UNC5D: variants seen among roughly 807,000 people sequenced by gnomAD.
UNC5D encodes the protein unc-5 netrin receptor D, also known as netrin receptor UNC5D.
UNC5D carries 39 observed loss-of-function variants against 105.4 expected under a neutral mutation model. That is an observed-to-expected ratio of 0.37 (90% CI 0.29 to 0.48). The LOEUF (loss-of-function observed/expected upper bound fraction) is 0.48. Ranked by LOEUF, UNC5D falls within the 20% of genes least tolerant of loss-of-function variation. The pLI, the probability that UNC5D is intolerant of heterozygous loss-of-function variation, is 0.98. For synonymous variants in UNC5D, 452 were observed against 450.4 expected, an observed-to-expected ratio of 1.00 and a Z score of -0.04; for missense variants, 991 against 1,202.4, an observed-to-expected ratio of 0.82 and a Z score of 2.60.
rs1802669991 is a variant in UNC5D at position 35,239,459 on chromosome 8, T to G, written c.103+3572T>G. ...AGTGTTTATCAGGGAATTGGTTTAT[T>G]GGGAGATACTGCATGTTTGATATCC... is the stretch of plus-strand genomic sequence containing the variant. On this transcript the variant is annotated intron_variant, in intron 1 of 16. Coordinates refer to ENST00000404895, the MANE Select transcript of UNC5D (RefSeq NM_080872.4). 2.6e-5 allele frequency among the ~76,000 whole-genome samples: 4 copies of G among 151,772 alleles called. No individual in the cohort carries two copies. The South Asian group carries it at 8.3e-4, about 32-fold the overall frequency.
intron 1 of UNC5D, among the ~76,000 whole-genome samples, chr8:35,536,069 CT>C (rs1814811959): frequency 6.6e-6 from 1 of 152,208 alleles, no homozygotes; most frequent in South Asian, 2.1e-4. Context: ...CAGATTGCCT[CT>C]TGATAAAAAA....
intron 14 of UNC5D, among the ~76,000 whole-genome samples, chr8:35,762,846 C>T (rs924910937): frequency 6.6e-6 from 1 of 152,158 alleles, no homozygotes; most frequent in African/African-American, 2.4e-5. Context: ...GCTGTCTTTC[C>T]AGCATGCTAT....
At chr8:35,266,727 C>T (rs1298490874) in intron 1 of UNC5D, among the ~76,000 whole-genome samples, 1 of 152,166 alleles carries the variant, frequency 6.6e-6, no homozygotes, top group East Asian at 1.9e-4. Context: ...ATGGTTGGGG[C>T]TGGAATCAAA....
At position 35,559,412 on chromosome 8, in the gene UNC5D, G is replaced by C. The variant is rs527828372; in HGVS notation, c.323-8686G>C. 5.3e-5 allele frequency among the ~76,000 whole-genome samples: 8 copies of C among 152,306 alleles called. No homozygotes were observed. The South Asian group carries it at 1.5e-3, about 28-fold the overall frequency. On this transcript the variant is annotated intron_variant, in intron 2 of 16. Transcript: ENST00000404895. Reference sequence around the variant, plus strand: ...ACTTCCAAATGATTGAAGCAGTAAGGCTGAGTGGAGAGGCAAGCATTTGAG... The same window carrying C: ...ACTTCCAAATGATTGAAGCAGTAAGCCTGAGTGGAGAGGCAAGCATTTGAG...
intron 1 of UNC5D, among the ~76,000 whole-genome samples, chr8:35,327,166 T>C (rs1025341518): frequency 1.6e-4 from 24 of 152,172 alleles, no homozygotes; most frequent in African/African-American, 4.8e-4. Flanking sequence ...GCCCACTGAG[T>C]TCTGCAACAT....
chr8:35,353,710 T>A (rs966633010), intron 1 of UNC5D, among the ~76,000 whole-genome samples: 1 of 152,098 alleles, frequency 6.6e-6, no homozygotes, highest in Non-Finnish European at 1.5e-5. Context: ...GATACCTTCA[T>A]GTGCATTAAT....
At chr8:35,404,229 G>T (rs1484920028) in intron 1 of UNC5D, among the ~76,000 whole-genome samples, 2 of 152,166 alleles carry the variant, frequency 1.3e-5, no homozygotes, top group Non-Finnish European at 2.9e-5. Flanking sequence ...AGTTTGCCCA[G>T]CATGGTTAGA....
chr8:35,646,287 A>G (rs545621767), intron 4 of UNC5D, among the ~76,000 whole-genome samples: 5 of 152,212 alleles, frequency 3.3e-5, no homozygotes, highest in African/African-American at 1.2e-4. Flanking sequence ...CAACATTAAA[A>G]CATTCTTCAT....
chr8:35,452,078 T>C (rs1733373975), intron 1 of UNC5D, among the ~76,000 whole-genome samples: 1 of 152,266 alleles, frequency 6.6e-6, no homozygotes, highest in South Asian at 2.1e-4. Context: ...ACCATACATA[T>C]CCACTTCAGA....
At chr8:35,525,247 C>T (rs900134512) in intron 1 of UNC5D, 6 of 1,612,014 alleles carry the variant, frequency 3.7e-6, no homozygotes, top group Admixed American at 1.7e-5. Flanking sequence ...TGGCTTTCCA[C>T]GTCTCTAAAA....
At chr8:35,453,338 G>T (rs547289038) in intron 1 of UNC5D, among the ~76,000 whole-genome samples, 1 of 152,126 alleles carries the variant, frequency 6.6e-6, no homozygotes, top group Non-Finnish European at 1.5e-5. Flanking sequence ...AAGCAAAGGT[G>T]TTGTACTGTG....
intron 1 of UNC5D, among the ~76,000 whole-genome samples, chr8:35,520,364 A>G (rs1013151338): frequency 6.6e-6 from 1 of 152,146 alleles, no homozygotes; most frequent in African/African-American, 2.4e-5. Context: ...AGGCAAATCC[A>G]TAGAGACAGA....
intron 10 of UNC5D, chr8:35,726,826 A>G (rs1377070460): frequency 2.7e-6 from 1 of 375,350 alleles, no homozygotes; most frequent in Admixed American, 4.0e-5. Flanking sequence ...CCTTTGGAGT[A>G]TATTTCCTAG....
chr8:35,476,885 G>C (rs1810141329), intron 1 of UNC5D, among the ~76,000 whole-genome samples: 1 of 152,154 alleles, frequency 6.6e-6, no homozygotes, highest in Non-Finnish European at 1.5e-5. Flanking sequence ...GTGATGCTTT[G>C]ATCACCAATT....
intron 8 of UNC5D, among the ~76,000 whole-genome samples, chr8:35,709,245 C>T (rs1031542082): frequency 1.2e-4 from 18 of 152,074 alleles, no homozygotes; most frequent in African/African-American, 3.6e-4. Context: ...ATCAAGCTTA[C>T]GTGTTAGTGA....
chr8:35,577,099 A>G (rs559112512), intron 3 of UNC5D, among the ~76,000 whole-genome samples: 2 of 152,126 alleles, frequency 1.3e-5, no homozygotes, highest in Non-Finnish European at 2.9e-5. Flanking sequence ...TTTTTTCAGA[A>G]GTGTTTTAGA....
intron 4 of UNC5D, among the ~76,000 whole-genome samples, chr8:35,605,042 C>T (rs1333759830): frequency 6.6e-6 from 1 of 152,176 alleles, no homozygotes; most frequent in African/African-American, 2.4e-5. Flanking sequence ...CCTCTCTCAA[C>T]TCGTTAAAGT....
rs1563246163 is a variant in UNC5D, at chr8:35,247,416, GTCTTAA to G, written c.103+11536_103+11541del. ...TTGGGTGAAAGTTAGGGTGCCTTAA[GTCTTAA>G]TCTTAAGCTTTTGTTCCAGTTACTT... On this transcript the variant is annotated intron_variant, in intron 1 of 16. Transcript: ENST00000404895. Among the ~76,000 whole-genome samples the G allele has an allele frequency of 2.7e-5, 4 of 146,098 alleles. No individual in the cohort carries two copies. In the South Asian group the frequency reaches 8.4e-4, roughly 31 times the overall value.
At chr8:35,403,654 A>C (rs1417604348) in intron 1 of UNC5D, among the ~76,000 whole-genome samples, 1 of 152,216 alleles carries the variant, frequency 6.6e-6, no homozygotes, top group Non-Finnish European at 1.5e-5. Context: ...GTTGGCACTG[A>C]ACAAGTTTCA....
Sources: allele counts gnomAD v4.1 joint callset (sites outside exome capture counted in the v4.1 genomes callset), GRCh38; gene constraint gnomAD v4.1.1; transcripts MANE v1.5; gene names NCBI Gene and HGNC (gene_info 2026-07-23, HGNC 2026-07-21).